The following LHFPL6 variants were observed in gnomAD, a reference collection of about 807,000 sequenced individuals.
The protein encoded by LHFPL6 is LHFPL tetraspan subfamily member 6.
A neutral mutation model predicts 20.6 loss-of-function variants in LHFPL6; 9 were observed. The ratio of observed to expected loss-of-function variants is 0.44; its 90% CI spans 0.26 to 0.76. The LOEUF (loss-of-function observed/expected upper bound fraction) is 0.76, where lower values mean the gene tolerates loss of function less well. Ranked by LOEUF, LHFPL6 falls within the 30% of genes least tolerant of loss-of-function variation. The pLI is 0.20. For synonymous variants in LHFPL6, 105 were observed against 98.7 expected (o/e 1.06, Z -0.38); for missense variants, 218 against 253.5 (o/e 0.86, Z 0.95).
At chr13:39,415,420 T>C (rs1871323404) in intron 2 of LHFPL6, among the ~76,000 whole-genome samples, 1 of 151,958 alleles carries the variant, frequency 6.6e-6, no homozygotes, top group South Asian at 2.1e-4. Context: ...CATACGCACA[T>C]GTGGAAGAAC....
chr13:39,505,971 G>A (rs964497668), intron 2 of LHFPL6, among the ~76,000 whole-genome samples: 9 of 152,182 alleles, frequency 5.9e-5, no homozygotes, highest in East Asian at 1.9e-4. Context: ...AAGGATCTGC[G>A]GAACATCTCT....
At chr13:39,373,106 A>G (rs1166785157) in intron 3 of LHFPL6, among the ~76,000 whole-genome samples, 1 of 152,250 alleles carries the variant, frequency 6.6e-6, no homozygotes, top group Admixed American at 6.5e-5. Context: ...CCCTTGAAAT[A>G]TGAGATAGCA....
intron 2 of LHFPL6, among the ~76,000 whole-genome samples, chr13:39,547,256 G>T (rs1871010635): frequency 1.3e-5 from 2 of 152,068 alleles, no homozygotes. Context: ...TAGAGTTACA[G>T]CCCATTCAGT....
intron 2 of LHFPL6, among the ~76,000 whole-genome samples, chr13:39,475,449 G>A (rs1310797089): frequency 6.6e-6 from 1 of 151,342 alleles, no homozygotes; most frequent in African/African-American, 2.4e-5. Flanking sequence ...TGGAAGGAAG[G>A]AAGCCATGAA....
chr13:39,598,660 A>G (rs1872839839), intron 2 of LHFPL6, among the ~76,000 whole-genome samples: 1 of 152,148 alleles, frequency 6.6e-6, no homozygotes, highest in South Asian at 2.1e-4. Context: ...GGTTCACGCC[A>G]TTCTCCTGCC....
At chr13:39,414,259 G>A (rs1246879178) in intron 2 of LHFPL6, among the ~76,000 whole-genome samples, 1 of 152,172 alleles carries the variant, frequency 6.6e-6, no homozygotes, top group Non-Finnish European at 1.5e-5. Flanking sequence ...AATAAATAAT[G>A]TTATGAGTTA....
In LHFPL6 at chr13:39,577,360, C is replaced by T. The variant is rs983247414; in HGVS notation, c.385+23472G>A. Among the ~76,000 whole-genome samples the T allele has an allele frequency of 5.3e-5, 8 of 152,274 alleles. 1 individual carries two copies. The highest frequency in any genetic ancestry group is 4.1e-4 in the South Asian group (2 of 4,828). Reference sequence around the variant, plus strand: ...AGCAAGTACTTGAGGGCCAAGTGTACGCATTTCAGGAAACTGCTTTTCAAA... The same window carrying T: ...AGCAAGTACTTGAGGGCCAAGTGTATGCATTTCAGGAAACTGCTTTTCAAA... On this transcript the variant is annotated intron_variant, in intron 2 of 3. Coordinates refer to ENST00000379589, the MANE Select transcript of LHFPL6 (RefSeq NM_005780.3).
chr13:39,539,238 T>C (rs984757898), intron 2 of LHFPL6, among the ~76,000 whole-genome samples: 2 of 152,202 alleles, frequency 1.3e-5, no homozygotes, highest in African/African-American at 2.4e-5. Context: ...CAGGAACATA[T>C]GGTTTCATAT....
At chr13:39,384,101 A>G (rs1870505005) in intron 2 of LHFPL6, among the ~76,000 whole-genome samples, 2 of 152,216 alleles carry the variant, frequency 1.3e-5, no homozygotes, top group South Asian at 2.1e-4. Flanking sequence ...TGACTGGTAC[A>G]TGCCCACTCA....
At chr13:39,581,545 A>AG (rs1441349663) in intron 2 of LHFPL6, among the ~76,000 whole-genome samples, 12 of 151,038 alleles carry the variant, frequency 7.9e-5, no homozygotes, top group Middle Eastern at 3.2e-3. Context: ...AAAAAAAAAA[A>AG]AAGAAGAAGA....
At chr13:39,541,353 A>G (rs2138503944) in intron 2 of LHFPL6, among the ~76,000 whole-genome samples, 2 of 152,298 alleles carry the variant, frequency 1.3e-5, no homozygotes, top group South Asian at 4.1e-4. Flanking sequence ...GCAAAACTCA[A>G]TTCTGCAGAC....
chr13:39,564,670 C>G (rs1476031573), intron 2 of LHFPL6, among the ~76,000 whole-genome samples: 1 of 152,118 alleles, frequency 6.6e-6, no homozygotes, highest in Non-Finnish European at 1.5e-5. Flanking sequence ...AAGTATCTAA[C>G]CATGGGTAAA....
chr13:39,593,807 C>T (rs1227728215), intron 2 of LHFPL6, among the ~76,000 whole-genome samples: 11 of 151,976 alleles, frequency 7.2e-5, no homozygotes, highest in East Asian at 1.9e-4. Flanking sequence ...TCAGAAATAA[C>T]GCCGCATATC....
intron 2 of LHFPL6, among the ~76,000 whole-genome samples, chr13:39,498,025 C>T (rs1328394264): frequency 6.6e-6 from 1 of 152,152 alleles, no homozygotes; most frequent in Non-Finnish European, 1.5e-5. Context: ...TAAATTAACC[C>T]CACCTAGAGT....
intron 2 of LHFPL6, among the ~76,000 whole-genome samples, chr13:39,531,142 C>T (rs572969737): frequency 1.8e-4 from 28 of 152,320 alleles, no homozygotes; most frequent in Non-Finnish European, 3.4e-4. Flanking sequence ...TCAGCTTTTT[C>T]CAATGATTCG....
intron 2 of LHFPL6, among the ~76,000 whole-genome samples, chr13:39,581,541 A>G (rs1042946837): frequency 1.3e-5 from 2 of 151,510 alleles, no homozygotes; most frequent in African/African-American, 4.8e-5. Context: ...ACAAAAAAAA[A>G]AAAAAAGAAG....
chr13:39,590,518 T>A (rs546357742), intron 2 of LHFPL6, among the ~76,000 whole-genome samples: 4 of 152,202 alleles, frequency 2.6e-5, no homozygotes, highest in African/African-American at 9.6e-5. Flanking sequence ...TCAATTCTTG[T>A]GACATCCAAG....
chr13:39,478,121 T>C (rs1387806951), intron 2 of LHFPL6, among the ~76,000 whole-genome samples: 1 of 152,226 alleles, frequency 6.6e-6, no homozygotes, highest in Non-Finnish European at 1.5e-5. Context: ...ACTGAGCACT[T>C]ACTGTGTGCA....
At chr13:39,349,141 GAA>G (rs1194915625) in intron 3 of LHFPL6, among the ~76,000 whole-genome samples, 3 of 152,114 alleles carry the variant, frequency 2.0e-5, no homozygotes, top group Admixed American at 6.5e-5. Flanking sequence ...TGATTTAAAA[GAA>G]AAAGAGTCCT....
Sources: allele counts gnomAD v4.1 joint callset (sites outside exome capture counted in the v4.1 genomes callset), GRCh38; gene constraint gnomAD v4.1.1; transcripts MANE v1.5; gene names NCBI Gene and HGNC (gene_info 2026-07-23, HGNC 2026-07-21).